Variants in GRIN2B observed in about 807,000 individuals in gnomAD.
The protein encoded by GRIN2B is glutamate receptor ionotropic, NMDA 2B.
A neutral mutation model predicts 114.5 loss-of-function variants in GRIN2B; 5 were observed. That is an observed-to-expected ratio of 0.04 (90% CI 0.02 to 0.09). The LOEUF (loss-of-function observed/expected upper bound fraction) is 0.09. Among genes scored for constraint, GRIN2B ranks in the 10% least tolerant of loss-of-function variants. GRIN2B has a pLI of 1.00. For missense variants in GRIN2B, 1,108 were observed against 1,943.5 expected (o/e 0.57, Z 8.08); for synonymous variants, 787 against 745.1 (o/e 1.06, Z -0.92).
intron 12 of GRIN2B, among the ~76,000 whole-genome samples, chr12:13,569,209 T>TG (rs1330129021): frequency 6.6e-6 from 1 of 152,196 alleles, no homozygotes; most frequent in Non-Finnish European, 1.5e-5. Flanking sequence ...CAGCTTGTTA[T>TG]GGGTTGAAAG....
At chr12:13,704,656 C>T (rs1206648137) in intron 4 of GRIN2B, among the ~76,000 whole-genome samples, 1 of 152,080 alleles carries the variant, frequency 6.6e-6, no homozygotes, top group Non-Finnish European at 1.5e-5. Flanking sequence ...TTAGACCCAG[C>T]ACCCCATGTA....
chr12:13,597,365 A>T (rs1436489906), intron 10 of GRIN2B, among the ~76,000 whole-genome samples: 2 of 152,210 alleles, frequency 1.3e-5, no homozygotes, highest in Non-Finnish European at 2.9e-5. Flanking sequence ...CTGAAGCTAA[A>T]CCGAAAGGAA....
At chr12:13,888,973 ATAAAT>A (rs1205762457) in intron 2 of GRIN2B, among the ~76,000 whole-genome samples, 2 of 152,144 alleles carry the variant, frequency 1.3e-5, no homozygotes, top group Admixed American at 6.6e-5. Flanking sequence ...TTCTTCAGTA[ATAAAT>A]TAGCTTACTA....
chr12:13,853,106 C>G (rs1047237340), intron 3 of GRIN2B, among the ~76,000 whole-genome samples: 5 of 152,212 alleles, frequency 3.3e-5, no homozygotes, highest in African/African-American at 4.8e-5. Flanking sequence ...GGGCTACCTC[C>G]TCTGCGGCCT....
At chr12:13,673,625 A>G (rs1327053298) in intron 5 of GRIN2B, among the ~76,000 whole-genome samples, 1 of 152,146 alleles carries the variant, frequency 6.6e-6, no homozygotes, top group Non-Finnish European at 1.5e-5. Flanking sequence ...GAGCTAGAAT[A>G]AAAATAGAAT....
rs1948450907 is a variant in GRIN2B, at chr12:13,554,207, G to A, written c.*8576C>T. The A allele has an allele frequency of 6.6e-6, 1 of 152,184 alleles. No individual in the cohort carries two copies. The highest frequency in any genetic ancestry group is 6.5e-5 in the Admixed American group (1 of 15,276). 9.4% of individuals were successfully genotyped at this position (152,184 alleles called of 1,614,324 possible). On this transcript the variant is annotated 3_prime_UTR_variant, in exon 14 of 14. Coordinates refer to ENST00000609686, the MANE Select transcript of GRIN2B (RefSeq NM_000834.5). ...AAATACATGGCCCTGAACACAGGGA[G>A]CTTATGCTGTAGCAGGAGAGATGAG...
chr12:13,704,247 G>C (rs1261939674), intron 4 of GRIN2B, among the ~76,000 whole-genome samples: 1 of 152,086 alleles, frequency 6.6e-6, no homozygotes, highest in Non-Finnish European at 1.5e-5. Context: ...CCAGATGGGG[G>C]CTACACCACC....
intron 5 of GRIN2B, among the ~76,000 whole-genome samples, chr12:13,627,973 G>A (rs1422771198): frequency 6.6e-6 from 1 of 152,172 alleles, no homozygotes; most frequent in Admixed American, 6.5e-5. Context: ...CCCACTTAGG[G>A]GTTCCCAAAC....
At chr12:13,803,799 T>A (rs1864556351) in intron 3 of GRIN2B, among the ~76,000 whole-genome samples, 1 of 152,048 alleles carries the variant, frequency 6.6e-6, no homozygotes, top group South Asian at 2.1e-4. Flanking sequence ...GCAACACACA[T>A]GTGGAAACAA....
intron 10 of GRIN2B, among the ~76,000 whole-genome samples, chr12:13,584,439 T>A (rs78977472): frequency 0.028 from 4,233 of 152,300 alleles, 213 homozygotes; most frequent in African/African-American, 0.097. Flanking sequence ...ATTTAAAGAA[T>A]GAATGAATTG....
chr12:13,619,813 A>G (rs901637155), intron 5 of GRIN2B, among the ~76,000 whole-genome samples: 1 of 152,174 alleles, frequency 6.6e-6, no homozygotes, highest in Non-Finnish European at 1.5e-5. Context: ...GACTTGCCCA[A>G]GCTCCCACGG....
rs190110238 is a variant in GRIN2B at position 13,796,567 on chromosome 12, A to G, written c.412-42652T>C. On this transcript the variant is annotated intron_variant, in intron 3 of 13. Coordinates refer to ENST00000609686, the MANE Select transcript of GRIN2B (RefSeq NM_000834.5). Reference sequence around the variant, plus strand: ...TAACCTTGAAAGCAGACAATGAGTGATGCAAATATTAAACCATCTTATAAA... The same window carrying G: ...TAACCTTGAAAGCAGACAATGAGTGGTGCAAATATTAAACCATCTTATAAA... Among the ~76,000 whole-genome samples the G allele has an allele frequency of 4.8e-3, 733 of 152,360 alleles. 10 individuals are homozygous for G. The highest frequency in any genetic ancestry group is 4.5e-3 in the Non-Finnish European group (304 of 68,034).
chr12:13,943,458 C>G (rs887968891), intron 2 of GRIN2B, among the ~76,000 whole-genome samples: 3 of 152,098 alleles, frequency 2.0e-5, no homozygotes, highest in Non-Finnish European at 4.4e-5. Context: ...CCTGACTCCC[C>G]CATTGAATTT....
intron 3 of GRIN2B, among the ~76,000 whole-genome samples, chr12:13,755,735 G>A (rs1357349919): frequency 6.6e-6 from 1 of 152,166 alleles, no homozygotes; most frequent in African/African-American, 2.4e-5. Context: ...ATAACACAGT[G>A]GGACTTTGGT....
At chr12:13,947,862 A>C (rs1867389735) in intron 2 of GRIN2B, among the ~76,000 whole-genome samples, 2 of 152,130 alleles carry the variant, frequency 1.3e-5, no homozygotes, top group South Asian at 4.1e-4. Context: ...CCATAACGTT[A>C]AACCACGCTG....
Position 13,741,463 on chromosome 12 carries a change from C to A in GRIN2B, c.1010+11854G>T, listed in dbSNP as rs116629483. 3.4e-3 allele frequency among the ~76,000 whole-genome samples: 519 copies of A among 152,294 alleles called. 4 individuals are homozygous for A. Among genetic ancestry groups the A allele is most frequent in the African/African-American group, 0.012 (506 of 41,558 alleles). ...GATGGATAACCTGGGGCAAAGTACG[C>A]CTGGAATTCATAAAAATTTGAGTTT... On this transcript the variant is annotated intron_variant, in intron 4 of 13. Transcript: ENST00000609686.
rs979510954 is a variant in GRIN2B, at chr12:13,544,089, A to T, written c.*18694T>A. On this transcript the variant is annotated 3_prime_UTR_variant, in exon 14 of 14. Transcript: ENST00000609686. ...AAAGAAGTCCCTCCCTGGGCGTCAC[A>T]TTCTCTATGATCTGCTATTTCCATG... 6.6e-6 allele frequency: 1 copy of T among 152,058 alleles called. No homozygotes were observed. The highest frequency in any genetic ancestry group is 2.4e-5 in the African/African-American group (1 of 41,392). The allele number at this position is 152,058 out of a possible 1,614,324, so 9.4% of individuals were successfully genotyped here.
intron 3 of GRIN2B, among the ~76,000 whole-genome samples, chr12:13,854,204 T>G (rs1221265890): frequency 1.3e-5 from 2 of 152,062 alleles, no homozygotes; most frequent in Non-Finnish European, 2.9e-5. Flanking sequence ...AACACACACA[T>G]GCACATGCAC....
intron 2 of GRIN2B, among the ~76,000 whole-genome samples, chr12:13,942,043 C>G (rs1229724369): frequency 2.0e-5 from 3 of 152,186 alleles, no homozygotes; most frequent in African/African-American, 7.2e-5. Flanking sequence ...CACTCTTTTA[C>G]AAGCCTTTGA....
Sources: allele counts gnomAD v4.1 joint callset (sites outside exome capture counted in the v4.1 genomes callset), GRCh38; gene constraint gnomAD v4.1.1; transcripts MANE v1.5; gene names NCBI Gene and HGNC (gene_info 2026-07-23, HGNC 2026-07-21).